The following SERGEF variants were observed in gnomAD, a reference collection of about 807,000 sequenced individuals.
SERGEF encodes the protein secretion regulating guanine nucleotide exchange factor.
SERGEF carries 51 observed loss-of-function variants against 50.0 expected under a neutral mutation model. The ratio of observed to expected loss-of-function variants is 1.02; its 90% confidence interval spans 0.81 to 1.29. The LOEUF (loss-of-function observed/expected upper bound fraction) is 1.29, where lower values mean the gene tolerates loss of function less well. SERGEF is among the 50% of genes most tolerant of loss of function. The pLI is 0.00. For synonymous variants in SERGEF, 205 were observed against 212.4 expected (o/e 0.97, Z 0.30); for missense variants, 521 against 557.0 (o/e 0.94, Z 0.65).
chr11:17,899,515 C>A (rs1338545353), intron 9 of SERGEF, among the ~76,000 whole-genome samples: 1 of 152,134 alleles, frequency 6.6e-6, no homozygotes, highest in African/African-American at 2.4e-5. Flanking sequence ...CAAAGGTGTA[C>A]CTATTAATAT....
At chr11:17,906,505 G>A (rs1006871126) in intron 9 of SERGEF, among the ~76,000 whole-genome samples, 3 of 151,516 alleles carry the variant, frequency 2.0e-5, no homozygotes, top group African/African-American at 7.3e-5. Flanking sequence ...GGGGGTTGCA[G>A]CACAGAGCTA....
chr11:17,883,634 CA>C (rs1851375786), intron 9 of SERGEF, among the ~76,000 whole-genome samples: 1 of 152,184 alleles, frequency 6.6e-6, no homozygotes, highest in South Asian at 2.1e-4. Context: ...CTTTCTTCCT[CA>C]AAACGGTATG....
chr11:17,996,151 T>A (rs1311112446), intron 5 of SERGEF, among the ~76,000 whole-genome samples: 1 of 152,166 alleles, frequency 6.6e-6, no homozygotes, highest in East Asian at 1.9e-4. Context: ...ATCACATAAC[T>A]TCCTACAAAA....
At chr11:17,919,626 G>A (rs371329789) in intron 9 of SERGEF, among the ~76,000 whole-genome samples, 20 of 152,138 alleles carry the variant, frequency 1.3e-4, no homozygotes, top group East Asian at 5.8e-4. Flanking sequence ...AACCCTTGAG[G>A]GTATTATCTC....
At chr11:17,829,426 G>A (rs749970898) in intron 10 of SERGEF, among the ~76,000 whole-genome samples, 1 of 152,194 alleles carries the variant, frequency 6.6e-6, no homozygotes, top group East Asian at 1.9e-4. Flanking sequence ...AGAAGAACAT[G>A]AACAGTCAAG....
In SERGEF at chr11:17,817,381, A is replaced by AC. The variant is rs1849997302; in HGVS notation, c.1049-28969_1049-28968insG. 4.0e-5 allele frequency among the ~76,000 whole-genome samples: 6 copies of AC among 151,138 alleles called. No homozygotes were observed. The South Asian group carries it at 1.3e-3, about 32-fold the overall frequency. ...AGGCACCCACCACCATGCCTGGCTA[A>AC]TTTTTTTTGTATTTTTAGTAGAGAC... On this transcript the variant is annotated intron_variant, in intron 10 of 10. Coordinates refer to ENST00000265965, the MANE Select transcript of SERGEF (RefSeq NM_012139.4).
At chr11:17,887,383 T>C (rs1020263568) in intron 9 of SERGEF, among the ~76,000 whole-genome samples, 1 of 152,160 alleles carries the variant, frequency 6.6e-6, no homozygotes, top group African/African-American at 2.4e-5. Flanking sequence ...TGCCACCAAG[T>C]TACTTAAGTT....
intron 9 of SERGEF, among the ~76,000 whole-genome samples, chr11:17,904,435 T>C (rs185032356): frequency 2.0e-5 from 3 of 152,220 alleles, no homozygotes; most frequent in Non-Finnish European, 2.9e-5. Flanking sequence ...CATTCGACTA[T>C]AGCCACAGGC....
At chr11:17,898,954 T>G (rs1327107622) in intron 9 of SERGEF, among the ~76,000 whole-genome samples, 1 of 152,180 alleles carries the variant, frequency 6.6e-6, no homozygotes, top group Non-Finnish European at 1.5e-5. Context: ...ATTCTCATGA[T>G]AGTGAGTGAG....
intron 9 of SERGEF, among the ~76,000 whole-genome samples, chr11:17,929,690 T>C (rs191567551): frequency 6.6e-6 from 1 of 152,290 alleles, no homozygotes; most frequent in East Asian, 1.9e-4. Context: ...CTGCTTACTA[T>C]GTTCCTGCCA....
chr11:17,839,744 C>T (rs1024209118), intron 10 of SERGEF, among the ~76,000 whole-genome samples: 1 of 152,200 alleles, frequency 6.6e-6, no homozygotes, highest in Non-Finnish European at 1.5e-5. Flanking sequence ...GCTCCGAAGC[C>T]TTCTCCCCAC....
At chr11:17,972,694 A>C (rs568009704) in intron 8 of SERGEF, among the ~76,000 whole-genome samples, 3 of 152,304 alleles carry the variant, frequency 2.0e-5, no homozygotes, top group South Asian at 2.1e-4. Flanking sequence ...AATAACTCCA[A>C]GGTATGCCTG....
intron 9 of SERGEF, among the ~76,000 whole-genome samples, chr11:17,894,941 A>T (rs1487305007): frequency 6.6e-6 from 1 of 152,252 alleles, no homozygotes; most frequent in Admixed American, 6.5e-5. Flanking sequence ...GTGATGCCAC[A>T]GGGCAGAGAC....
chr11:17,868,279 C>T (rs1028645975), intron 10 of SERGEF, among the ~76,000 whole-genome samples: 1 of 152,156 alleles, frequency 6.6e-6, no homozygotes, highest in Non-Finnish European at 1.5e-5. Context: ...CCACCACATA[C>T]CCTAAATCAT....
intron 9 of SERGEF, among the ~76,000 whole-genome samples, chr11:17,942,590 C>G (rs1852582485): frequency 6.6e-6 from 1 of 152,020 alleles, no homozygotes; most frequent in Non-Finnish European, 1.5e-5. Flanking sequence ...TGATTTTAAG[C>G]CTTTTATTGC....
intron 1 of SERGEF, 151 bp downstream of exon 1, chr11:18,012,800 T>G: frequency 4.7e-6 from 4 of 845,954 alleles, no homozygotes; most frequent in Non-Finnish European, 6.8e-6. Flanking sequence ...CCTCCTCCGC[T>G]CCCCCTCCGC....
intron 9 of SERGEF, among the ~76,000 whole-genome samples, chr11:17,913,239 TCCACTAGCC>T (rs1330620970): frequency 6.6e-6 from 1 of 152,218 alleles, no homozygotes; most frequent in Non-Finnish European, 1.5e-5. Context: ...CCATCCTGCC[TCCACTAGCC>T]CCACTTTCTT....
At chr11:17,960,534 G>A (rs1168368024) in intron 8 of SERGEF, among the ~76,000 whole-genome samples, 2 of 152,188 alleles carry the variant, frequency 1.3e-5, no homozygotes, top group Non-Finnish European at 2.9e-5. Flanking sequence ...CTTTATACAT[G>A]TTTATTTTAA....
At chr11:17,936,711 A>C (rs1218757780) in intron 9 of SERGEF, among the ~76,000 whole-genome samples, 1 of 152,242 alleles carries the variant, frequency 6.6e-6, no homozygotes, top group Non-Finnish European at 1.5e-5. Flanking sequence ...GGTTCCATTC[A>C]TTAGGGTTAA....
Sources: allele counts gnomAD v4.1 joint callset (sites outside exome capture counted in the v4.1 genomes callset), GRCh38; gene constraint gnomAD v4.1.1; transcripts MANE v1.5; gene names NCBI Gene and HGNC (gene_info 2026-07-23, HGNC 2026-07-21).